Variants in WDR72 observed in about 807,000 individuals in gnomAD.
WDR72 encodes WD repeat-containing protein 72.
A neutral mutation model predicts 124.2 loss-of-function variants in WDR72; 120 were observed. The ratio of observed to expected loss-of-function variants is 0.97; its 90% CI spans 0.83 to 1.12. WDR72 has a LOEUF of 1.12. WDR72 is among the 50% of genes most tolerant of loss of function. The pLI, the probability that WDR72 is intolerant of heterozygous loss-of-function variation, is 0.00. For missense variants in WDR72, 1,387 were observed against 1,278.8 expected (o/e 1.08, Z -1.29); for synonymous variants, 452 against 441.7 (o/e 1.02, Z -0.29).
At chr15:53,604,581 A>C (rs949047985) in intron 17 of WDR72, among the ~76,000 whole-genome samples, 3 of 151,928 alleles carry the variant, frequency 2.0e-5, no homozygotes, top group African/African-American at 7.2e-5. Context: ...CAAAATATGC[A>C]TCTTACGAAA....
chr15:53,665,573 T>C lies in WDR72; in HGVS notation c.1961A>G (p.Lys654Arg). 6.2e-7 allele frequency: 1 copy of C among 1,613,744 alleles called. No individual in the cohort carries two copies. Among genetic ancestry groups the C allele is most frequent in the Non-Finnish European group, 8.5e-7 (1 of 1,179,760 alleles). ...CPGLQVESSCKVTDAKFCPRP... is the reference protein window; with the variant it reads ...CPGLQVESSCRVTDAKFCPRP... ...AACAACAGCTTGATTTGAACTTACC[T>C]TACATGAAGACTCCACCTGCAGACC... The change falls in exon 14 of 20, where the codon AAG (lysine) becomes AGG (arginine). Residue 654 changes from lysine (K) to arginine (R), a missense_variant and splice_region_variant. Physicochemically the swap from Lys to Arg is conservative, Grantham distance 26. Coordinates refer to ENST00000360509, the MANE Select transcript of WDR72 (RefSeq NM_182758.4).
intron 18 of WDR72, among the ~76,000 whole-genome samples, chr15:53,555,094 A>G (rs1173192716): frequency 1.3e-5 from 2 of 152,064 alleles, no homozygotes; most frequent in Non-Finnish European, 2.9e-5. Flanking sequence ...TGATACGGAG[A>G]GATTTAATGA....
rs1412933359 is a variant in WDR72, at chr15:53,609,858, AC to A, written c.2873-267del. Among the ~76,000 whole-genome samples the A allele has an allele frequency of 2.4e-4, 37 of 152,134 alleles. 1 individual carries two copies. The South Asian group carries it at 7.5e-3, about 31-fold the overall frequency. On this transcript the variant is annotated intron_variant, in intron 16 of 19. Transcript: ENST00000360509. ...TGTACATTTATACACACACACACAC[AC>A]ACACACACAATTTATATGTAATTCT...
chr15:53,558,268 C>T (rs1894000955), intron 18 of WDR72, among the ~76,000 whole-genome samples: 1 of 152,026 alleles, frequency 6.6e-6, no homozygotes, highest in Middle Eastern at 3.2e-3. Context: ...AAAACATTAT[C>T]CATGACATCT....
At chr15:53,740,185 T>A in intron 1 of WDR72, among the ~76,000 whole-genome samples, 1 of 152,316 alleles carries the variant, frequency 6.6e-6, no homozygotes, top group East Asian at 1.9e-4. Context: ...TCTGCATTGA[T>A]GTCTCCCTTA....
chr15:53,715,460 C>T (rs2017677138), intron 4 of WDR72, 93 bp from the exon 5 acceptor site: 1 of 1,466,840 alleles, frequency 6.8e-7, no homozygotes, highest in Admixed American at 1.8e-5. Flanking sequence ...TTAGTTTTAG[C>T]ATATGATCAA....
At chr15:53,555,566 A>AT (rs549657816) in intron 18 of WDR72, among the ~76,000 whole-genome samples, 137 of 151,952 alleles carry the variant, frequency 9.0e-4, no homozygotes, top group African/African-American at 3.0e-3. Context: ...TAATAAATAT[A>AT]TTTTTTTGTT....
Position 53,615,519 on chromosome 15 carries a change from C to T in WDR72, c.2687G>A (p.Arg896Gln), listed in dbSNP as rs146417353. The stretch of plus-strand genomic sequence containing the variant: ...CAAATAAACTATAGTATCTGACTCT[C>T]GCAAAGAATCACAATTATTTTCCAA... ...RGLENNCDSL[R>Q]ESDTIVYLLS... The change falls in exon 15 of 20, where the codon CGA becomes CAA. Residue 896 changes from arginine (R) to glutamine (Q), a missense_variant. Transcript: ENST00000360509. 2.2e-5 allele frequency: 35 copies of T among 1,612,604 alleles called. No homozygotes were observed. The highest frequency in any genetic ancestry group is 2.6e-5 in the Non-Finnish European group (31 of 1,179,352).
intron 1 of WDR72, among the ~76,000 whole-genome samples, chr15:53,747,397 G>A (rs1225129757): frequency 2.0e-5 from 3 of 152,136 alleles, no homozygotes; most frequent in African/African-American, 7.2e-5. Flanking sequence ...CAAAAATGTT[G>A]TTACTGAGTA....
chr15:53,759,077 GCCAGC>G (rs1024878501), intron 1 of WDR72, among the ~76,000 whole-genome samples: 4 of 151,938 alleles, frequency 2.6e-5, no homozygotes, highest in Non-Finnish European at 4.4e-5. Context: ...GGAAAGTTTC[GCCAGC>G]CCCCGTCCCC....
At chr15:53,715,029 T>A (rs183285379) in intron 5 of WDR72, among the ~76,000 whole-genome samples, 164 bp downstream of exon 5, 14 of 152,294 alleles carry the variant, frequency 9.2e-5, no homozygotes, top group African/African-American at 3.4e-4. Context: ...GGCATGGGTG[T>A]TCTTAGTTTT....
chr15:53,617,319 A>G (rs2013808795), intron 14 of WDR72, among the ~76,000 whole-genome samples: 1 of 151,754 alleles, frequency 6.6e-6, no homozygotes, highest in Admixed American at 6.6e-5. Context: ...AAGGATATGA[A>G]CCAAAATGTT....
chr15:53,691,001 A>T (rs2016820406), intron 13 of WDR72, among the ~76,000 whole-genome samples: 1 of 152,152 alleles, frequency 6.6e-6, no homozygotes, highest in Admixed American at 6.5e-5. Flanking sequence ...TATCCTAGTG[A>T]ATATGAAATG....
intron 12 of WDR72, among the ~76,000 whole-genome samples, chr15:53,700,147 T>C (rs1256758204): frequency 6.6e-6 from 1 of 152,140 alleles, no homozygotes; most frequent in South Asian, 2.1e-4. Context: ...GCTCAACAAC[T>C]TCACAGGAAG....
intron 18 of WDR72, among the ~76,000 whole-genome samples, chr15:53,532,718 T>G (rs189417978): frequency 1.3e-5 from 2 of 152,110 alleles, no homozygotes; most frequent in East Asian, 3.9e-4. Context: ...AGATCTAGTG[T>G]TTGGTAGACT....
At chr15:53,726,292 ACACACTGC>A in intron 2 of WDR72, among the ~76,000 whole-genome samples, 1 of 109,598 alleles carries the variant, frequency 9.1e-6, no homozygotes, top group African/African-American at 4.2e-5. Context: ...ATATACACAC[ACACACTGC>A]TCTAGTGTGG....
chr15:53,725,628 GA>G (rs1262385061), intron 2 of WDR72, among the ~76,000 whole-genome samples: 7 of 151,976 alleles, frequency 4.6e-5, no homozygotes, highest in African/African-American at 1.7e-4. Context: ...GCGCTAAAAA[GA>G]AATCAGCTAT....
intron 14 of WDR72, among the ~76,000 whole-genome samples, chr15:53,624,505 T>C (rs1389129659): frequency 3.3e-5 from 5 of 152,210 alleles, no homozygotes; most frequent in South Asian, 2.1e-4. Flanking sequence ...ATTCGAGCAA[T>C]ATTTCTTGTT....
chr15:53,528,475 T>C (rs551153705), intron 18 of WDR72, among the ~76,000 whole-genome samples: 4 of 152,210 alleles, frequency 2.6e-5, no homozygotes, highest in South Asian at 2.1e-4. Context: ...GTTAGACTTA[T>C]GTGTTTTGCC....
Sources: gnomAD v4.1 joint callset for allele counts (sites outside exome capture counted in the v4.1 genomes callset) on GRCh38, gnomAD v4.1.1 for gene constraint, MANE v1.5 for transcripts, NCBI Gene and HGNC (gene_info 2026-07-23, HGNC 2026-07-21) for gene names.